RALYL: variants seen among roughly 807,000 people sequenced by gnomAD.
RALYL encodes RNA-binding Raly-like protein.
Under a neutral mutation model 35.1 loss-of-function variants are expected in RALYL, and 29 were observed. The ratio of observed to expected loss-of-function variants is 0.83; its 90% CI spans 0.61 to 1.13. The LOEUF is 1.13. Among genes scored for constraint, RALYL ranks in the 50% most tolerant of loss-of-function variants. The probability of loss-of-function intolerance (pLI) is 0.00; values close to 1 mark genes in which losing one functional copy is unlikely to be tolerated. For synonymous variants in RALYL, 120 were observed against 127.6 expected (o/e 0.94, Z 0.40); for missense variants, 359 against 360.4 (o/e 1.00, Z 0.03).
intron 2 of RALYL, among the ~76,000 whole-genome samples, chr8:84,587,687 T>A (rs1812307574): frequency 6.6e-6 from 1 of 152,158 alleles, no homozygotes; most frequent in Non-Finnish European, 1.5e-5. Context: ...AAATTTTAAA[T>A]TAAATATTTA....
chr8:84,488,715 G>A (rs1587722113), intron 1 of RALYL, among the ~76,000 whole-genome samples: 2 of 151,974 alleles, frequency 1.3e-5, no homozygotes, highest in Admixed American at 1.3e-4. Context: ...AAGTGAGAGG[G>A]CCACTGAGTT....
intron 1 of RALYL, among the ~76,000 whole-genome samples, chr8:84,481,242 T>G (rs79418074): frequency 0.099 from 15,030 of 152,206 alleles, 1,053 homozygotes; most frequent in Admixed American, 0.2. Flanking sequence ...AAATACAATT[T>G]TTTTTGTATA....
At chr8:84,739,698 T>C (rs1381400649) in intron 2 of RALYL, among the ~76,000 whole-genome samples, 1 of 151,848 alleles carries the variant, frequency 6.6e-6, no homozygotes, top group Non-Finnish European at 1.5e-5. Context: ...AGTTAGGGGA[T>C]TGAATTTAAG....
intron 2 of RALYL, among the ~76,000 whole-genome samples, chr8:84,772,973 G>A (rs1459404901): frequency 6.6e-6 from 1 of 152,054 alleles, no homozygotes; most frequent in East Asian, 1.9e-4. Flanking sequence ...ATAGATTTTT[G>A]TAAATCTTCT....
At chr8:84,897,810 A>C (rs1026326598) in intron 8 of RALYL, among the ~76,000 whole-genome samples, 1 of 152,226 alleles carries the variant, frequency 6.6e-6, no homozygotes, top group Admixed American at 6.5e-5. Context: ...TAAGATTCAA[A>C]GAATAAGACC....
At chr8:84,319,776 A>G (rs541876784) in intron 1 of RALYL, among the ~76,000 whole-genome samples, 31 of 152,228 alleles carry the variant, frequency 2.0e-4, no homozygotes, top group African/African-American at 5.5e-4. Context: ...TTTTCTCTCC[A>G]TCATTCCATC....
intron 1 of RALYL, among the ~76,000 whole-genome samples, chr8:84,191,239 A>G (rs890027760): frequency 1.3e-5 from 2 of 151,550 alleles, no homozygotes; most frequent in Non-Finnish European, 2.9e-5. Flanking sequence ...TCTAAATAGG[A>G]AGACCAGTAG....
chr8:84,799,949 G>C (rs1422592209), intron 3 of RALYL, among the ~76,000 whole-genome samples: 2 of 152,294 alleles, frequency 1.3e-5, no homozygotes, highest in South Asian at 2.1e-4. Flanking sequence ...AACAGAGCAA[G>C]ACTCTGTCTC....
chr8:84,599,006 G>A (rs1815260313), intron 2 of RALYL, among the ~76,000 whole-genome samples: 1 of 152,044 alleles, frequency 6.6e-6, no homozygotes, highest in Admixed American at 6.6e-5. Flanking sequence ...GTTTTGATTT[G>A]TGTTTTGCTG....
intron 1 of RALYL, among the ~76,000 whole-genome samples, chr8:84,502,097 A>G (rs188786628): frequency 1.3e-5 from 2 of 152,042 alleles, no homozygotes; most frequent in Admixed American, 1.3e-4. Flanking sequence ...AAATGATTCT[A>G]AAGTTTTTAA....
intron 2 of RALYL, among the ~76,000 whole-genome samples, chr8:84,749,948 T>C (rs1294743696): frequency 6.6e-6 from 1 of 152,160 alleles, no homozygotes; most frequent in Non-Finnish European, 1.5e-5. Flanking sequence ...TCCTGGCTTA[T>C]ATACCTTGGG....
chr8:84,363,220 G>A (rs942914870), intron 1 of RALYL, among the ~76,000 whole-genome samples: 4 of 152,166 alleles, frequency 2.6e-5, no homozygotes, highest in Admixed American at 6.5e-5. Flanking sequence ...CAACAAACTG[G>A]AAGCCATGTC....
At chr8:84,495,476 T>A (rs2055895195) in intron 1 of RALYL, among the ~76,000 whole-genome samples, 1 of 152,094 alleles carries the variant, frequency 6.6e-6, no homozygotes, top group South Asian at 2.1e-4. Context: ...TCTCAATTTA[T>A]ATTTTAAAAA....
At chr8:84,314,611 A>G (rs2130087649) in intron 1 of RALYL, among the ~76,000 whole-genome samples, 1 of 152,278 alleles carries the variant, frequency 6.6e-6, no homozygotes, top group East Asian at 1.9e-4. Context: ...CTATAGTCCC[A>G]GCTATTCAGG....
At chr8:84,458,213 A>G (rs1318314794) in intron 1 of RALYL, among the ~76,000 whole-genome samples, 2 of 151,820 alleles carry the variant, frequency 1.3e-5, no homozygotes, top group South Asian at 2.1e-4. Flanking sequence ...GCATGTGACA[A>G]TTGATGGTTT....
At chr8:84,486,009 CTTTT>C (rs3043836) in intron 1 of RALYL, among the ~76,000 whole-genome samples, 11 of 104,940 alleles carry the variant, frequency 1.0e-4, no homozygotes, top group South Asian at 7.1e-4. Flanking sequence ...AAATCAAAAG[CTTTT>C]TTTTTTTTTT....
In RALYL at chr8:84,207,798, A is replaced by ATG. The variant is rs575104571; in HGVS notation, c.-24+23396_-24+23397dup. Among the ~76,000 whole-genome samples, 677 of 143,824 alleles carry ATG rather than the reference A, an allele frequency of 4.7e-3. 3 individuals carry two copies. Among genetic ancestry groups the ATG allele is most frequent in the African/African-American group, 0.01 (405 of 38,784 alleles). The allele number at this position is 143,824 out of a possible 152,430, so 94.4% of individuals were successfully genotyped here. On this transcript the variant is annotated intron_variant, in intron 1 of 8. Coordinates refer to ENST00000521268, the MANE Select transcript of RALYL (RefSeq NM_173848.7). Reference sequence around the variant, plus strand: ...CCTTGACTGTGATAATCATTTCATAATGTGTGTGTGTGTGTGTGTGTGTAT... The same window carrying ATG: ...CCTTGACTGTGATAATCATTTCATAATGTGTGTGTGTGTGTGTGTGTGTGTAT...
rs192430990 is a variant in RALYL at position 84,696,276 on chromosome 8, C to G, written c.257-78303C>G. Among the ~76,000 whole-genome samples, 100 of 151,482 alleles carry G rather than the reference C, an allele frequency of 6.6e-4. 1 individual carries two copies. Among genetic ancestry groups the G allele is most frequent in the Middle Eastern group, 6.8e-3 (2 of 292 alleles). ...TAAAAAAAAAAAGGTTAATCTTATC[C>G]AGATGGGAACATAGCTATTTATGCT... On this transcript the variant is annotated intron_variant, in intron 2 of 8. Transcript: ENST00000521268.
chr8:84,274,092 T>C (rs753137207), intron 1 of RALYL, among the ~76,000 whole-genome samples: 10 of 152,074 alleles, frequency 6.6e-5, no homozygotes, highest in Non-Finnish European at 1.3e-4. Context: ...AACTCTGGGG[T>C]CATGATTATA....
Sources: gnomAD v4.1 joint callset for allele counts (sites outside exome capture counted in the v4.1 genomes callset) on GRCh38, gnomAD v4.1.1 for gene constraint, MANE v1.5 for transcripts, NCBI Gene and HGNC (gene_info 2026-07-23, HGNC 2026-07-21) for gene names.